TLK1: variants seen among roughly 807,000 people sequenced by gnomAD.
TLK1 encodes the protein serine/threonine-protein kinase tousled-like 1.
In TLK1, 24 loss-of-function variants were observed where a neutral mutation model predicts 105.3. The ratio of observed to expected loss-of-function variants is 0.23; its 90% CI spans 0.17 to 0.32. The LOEUF (loss-of-function observed/expected upper bound fraction) is 0.32, where lower values mean the gene tolerates loss of function less well. Ranked by LOEUF, TLK1 falls within the 10% of genes least tolerant of loss-of-function variation. The probability of loss-of-function intolerance (pLI) is 1.00; values close to 1 mark genes in which losing one functional copy is unlikely to be tolerated. For synonymous variants in TLK1, 321 were observed against 310.4 expected (o/e 1.03, Z -0.36); for missense variants, 558 against 910.5 (o/e 0.61, Z 4.98).
chr2:171,231,210 G>T (rs1228974485), exon 1 of TLK1: 1 of 152,144 alleles, frequency 6.6e-6, no homozygotes, highest in Admixed American at 6.5e-5. Context: ...AGGCTCAGAG[G>T]GAGCCTAGGA....
At chr2:171,102,949 A>T (rs1217635854) in intron 2 of TLK1, among the ~76,000 whole-genome samples, 1 of 152,210 alleles carries the variant, frequency 6.6e-6, no homozygotes, top group Non-Finnish European at 1.5e-5. Context: ...TAGTATTAAA[A>T]AAAAGAAGTG....
intron 2 of TLK1, among the ~76,000 whole-genome samples, chr2:171,111,166 AAAG>A (rs1690141233): frequency 6.6e-6 from 1 of 152,216 alleles, no homozygotes; most frequent in African/African-American, 2.4e-5. Context: ...GAATATGAAG[AAAG>A]AAAATAACAA....
chr2:171,160,589 G>A lies in TLK1; in HGVS notation c.-161C>T, dbSNP rs1692448125. The A allele has an allele frequency of 2.6e-6, 3 of 1,150,196 alleles. No homozygotes were observed. The highest frequency in any genetic ancestry group is 1.6e-5 in the African/African-American group (1 of 61,864). The allele number at this position is 1,150,196 out of a possible 1,614,324, so 71.2% of individuals were successfully genotyped here. On this transcript the variant is annotated 5_prime_UTR_variant, in exon 1 of 21. Transcript: ENST00000431350. This position sits in a 1 kb window ranked among gnomAD's most constrained non-coding sequence, Gnocchi z 4.4. ...GGATGGGGGAGGAAACCGAGAAGAG[G>A]GGAGGTGGGGAGGAAAGAGGTGAGG...
intron 2 of TLK1, among the ~76,000 whole-genome samples, chr2:171,107,355 T>C (rs529559998): frequency 9.8e-5 from 15 of 152,336 alleles, no homozygotes; most frequent in African/African-American, 2.6e-4. Flanking sequence ...ATTAGGACTC[T>C]GTAAGTATAC....
chr2:171,145,701 CA>C (rs1306354564), intron 1 of TLK1, among the ~76,000 whole-genome samples: 4 of 151,886 alleles, frequency 2.6e-5, no homozygotes, highest in Non-Finnish European at 5.9e-5. Flanking sequence ...TGTCAATCAA[CA>C]AAGTATAAAA....
intron 1 of TLK1, among the ~76,000 whole-genome samples, chr2:171,173,846 A>G (rs988490078): frequency 1.3e-5 from 2 of 152,158 alleles, no homozygotes; most frequent in African/African-American, 2.4e-5. Flanking sequence ...ATGACCAGGA[A>G]TAAGAACCAA....
At chr2:171,070,034 T>C (rs146487266) in intron 3 of TLK1, among the ~76,000 whole-genome samples, 12 of 152,306 alleles carry the variant, frequency 7.9e-5, no homozygotes, top group Non-Finnish European at 1.2e-4. Context: ...ACGAGGTGGG[T>C]AGACAACAGC....
intron 20 of TLK1, chr2:170,994,855 G>C (rs922297931): frequency 4.7e-5 from 17 of 361,388 alleles, no homozygotes; most frequent in South Asian, 6.8e-5. Context: ...TCCTTTTTTG[G>C]GGGGGGAGGG....
intron 1 of TLK1, among the ~76,000 whole-genome samples, chr2:171,121,663 G>A (rs35173138): frequency 0.41 from 61,696 of 152,084 alleles, 14,330 homozygotes; most frequent in African/African-American, 0.62. Context: ...TATAAAGCAT[G>A]TATGTGCTAT....
chr2:171,000,648 CA>C (rs777414409), intron 18 of TLK1, among the ~76,000 whole-genome samples: 1 of 152,006 alleles, frequency 6.6e-6, no homozygotes, highest in African/African-American at 2.4e-5. Context: ...TTTGCTGTCT[CA>C]GGGGTGACGG....
At chr2:171,212,892 G>T (rs1272070253) in intron 1 of TLK1, among the ~76,000 whole-genome samples, 5 of 13,960 alleles carry the variant, frequency 3.6e-4, no homozygotes, top group Admixed American at 1.6e-3. Flanking sequence ...AAAGCGTTTT[G>T]TTTTTTTTTA....
chr2:171,041,527 C>T (rs1401655331), intron 11 of TLK1, among the ~76,000 whole-genome samples: 3 of 152,234 alleles, frequency 2.0e-5, no homozygotes, highest in Non-Finnish European at 2.9e-5. Flanking sequence ...CTCCATCCAC[C>T]TCCTGTCAGA....
chr2:171,022,092 C>CACACACACACAG (rs1553605652), intron 12 of TLK1, among the ~76,000 whole-genome samples: 1 of 147,884 alleles, frequency 6.8e-6, no homozygotes, highest in Non-Finnish European at 1.5e-5. Context: ...GAAAAACACA[C>CACACACACACAG]ACACACACAC....
At chr2:171,102,460 C>T (rs1025241) in intron 2 of TLK1, among the ~76,000 whole-genome samples, 50,287 of 151,962 alleles carry the variant, frequency 0.33, 8,701 homozygotes, top group African/African-American at 0.38. Flanking sequence ...TACATAATTA[C>T]AGTTTATAAC....
chr2:171,121,081 GGTTA>G (rs1302396453), intron 1 of TLK1, among the ~76,000 whole-genome samples: 1 of 152,138 alleles, frequency 6.6e-6, no homozygotes, highest in Non-Finnish European at 1.5e-5. Flanking sequence ...TGGAATGGGA[GGTTA>G]GTATTTAATG....
intron 1 of TLK1, among the ~76,000 whole-genome samples, chr2:171,175,309 A>G (rs902199388): frequency 2.0e-5 from 3 of 148,800 alleles, no homozygotes; most frequent in Non-Finnish European, 3.0e-5. Context: ...AAAACATTTG[A>G]AAAAAAAAAG....
intron 1 of TLK1, among the ~76,000 whole-genome samples, chr2:171,188,069 T>C (rs1433799637): frequency 1.3e-5 from 2 of 152,184 alleles, no homozygotes; most frequent in East Asian, 3.8e-4. Context: ...AACTAAATTG[T>C]AAGGAACACA....
intron 13 of TLK1, among the ~76,000 whole-genome samples, chr2:171,012,984 ATTAG>A (rs1684992565): frequency 6.6e-6 from 1 of 151,074 alleles, no homozygotes; most frequent in South Asian, 2.1e-4. Flanking sequence ...TTAGTCTTAA[ATTAG>A]TTTTGTACCA....
chr2:171,038,517 A>G (rs1264219883), intron 11 of TLK1, among the ~76,000 whole-genome samples: 1 of 152,168 alleles, frequency 6.6e-6, no homozygotes, highest in East Asian at 1.9e-4. Context: ...CACTTTCACT[A>G]ACATTCATTT....
Sources: allele counts gnomAD v4.1 joint callset (sites outside exome capture counted in the v4.1 genomes callset), GRCh38; gene constraint gnomAD v4.1.1; non-coding constraint Gnocchi (gnomAD v3.1); transcripts MANE v1.5; gene names NCBI Gene and HGNC (gene_info 2026-07-23, HGNC 2026-07-21).